The following ADGRL2 variants were observed in gnomAD, a reference collection of about 807,000 sequenced individuals.
ADGRL2 encodes the protein calcium-independent alpha-latrotoxin receptor 2.
A neutral mutation model predicts 157.4 loss-of-function variants in ADGRL2; 44 were observed. The ratio of observed to expected loss-of-function variants is 0.28; its 90% CI spans 0.22 to 0.36. The LOEUF is 0.36. Ranked by LOEUF, ADGRL2 falls within the 10% of genes least tolerant of loss-of-function variation. The pLI, the probability that ADGRL2 is intolerant of heterozygous loss-of-function variation, is 1.00. For synonymous variants in ADGRL2, 585 were observed against 624.7 expected (o/e 0.94, Z 0.95); for missense variants, 1,510 against 1,768.9 (o/e 0.85, Z 2.63).
chr1:81,577,223 G>A (rs753406590), intron 2 of ADGRL2, among the ~76,000 whole-genome samples: 14 of 152,132 alleles, frequency 9.2e-5, no homozygotes, highest in Non-Finnish European at 1.5e-4. Flanking sequence ...TGTTTTCATC[G>A]GTAGCATGCG....
intron 3 of ADGRL2, among the ~76,000 whole-genome samples, chr1:81,598,274 G>A (rs2081274419): frequency 6.6e-6 from 1 of 152,208 alleles, no homozygotes; most frequent in Non-Finnish European, 1.5e-5. Context: ...GCAAGACCAT[G>A]AAGGGACTTA....
rs186578431 is a variant in ADGRL2, at chr1:81,969,160, A to C, written c.2524-18A>C. On this transcript the variant is annotated intron_variant, in intron 14 of 23. Coordinates refer to ENST00000686636, the MANE Select transcript of ADGRL2 (RefSeq NM_001366006.2). ...TAATGCAGGAATACTAATGTTCCTC[A>C]TATCTTTTTATTTTCAGTATAAAGA... The C allele has an allele frequency of 1.5e-5, 23 of 1,567,640 alleles. No individual in the cohort carries two copies. In the African/African-American group the frequency reaches 2.7e-4, roughly 18 times the overall value.
chr1:81,842,793 C>T (rs1160765255), intron 2 of ADGRL2, among the ~76,000 whole-genome samples: 2 of 152,150 alleles, frequency 1.3e-5, no homozygotes, highest in Non-Finnish European at 2.9e-5. Context: ...CAATTTGTCT[C>T]TTTCACTCTA....
intron 2 of ADGRL2, among the ~76,000 whole-genome samples, chr1:81,851,257 C>G (rs1325338486): frequency 6.6e-6 from 1 of 151,934 alleles, no homozygotes; most frequent in East Asian, 1.9e-4. Flanking sequence ...ATAACCTACA[C>G]TGAAGTCAGC....
At chr1:81,394,952 G>A (rs934468022) in intron 1 of ADGRL2, among the ~76,000 whole-genome samples, 1 of 151,672 alleles carries the variant, frequency 6.6e-6, no homozygotes, top group Admixed American at 6.6e-5. Flanking sequence ...TGGCCAGAGT[G>A]CAGTGTCACG....
intron 1 of ADGRL2, among the ~76,000 whole-genome samples, chr1:81,812,762 G>A (rs185295959): frequency 6.6e-6 from 1 of 151,710 alleles, no homozygotes; most frequent in African/African-American, 2.4e-5. Context: ...ACAGAAAAAC[G>A]ATCGCTTTGG....
At chr1:81,708,747 A>G (rs979553058) in intron 1 of ADGRL2, among the ~76,000 whole-genome samples, 2 of 152,016 alleles carry the variant, frequency 1.3e-5, no homozygotes, top group South Asian at 4.2e-4. Context: ...TTCTATAGAA[A>G]TCTCTGTTAT....
At chr1:81,641,734 A>G (rs1233446458) in intron 3 of ADGRL2, among the ~76,000 whole-genome samples, 1 of 152,192 alleles carries the variant, frequency 6.6e-6, no homozygotes, top group East Asian at 1.9e-4. Flanking sequence ...AAAAGGAAAT[A>G]TCTAAAATAA....
At chr1:81,418,709 G>A (rs990603212) in intron 1 of ADGRL2, among the ~76,000 whole-genome samples, 1 of 152,128 alleles carries the variant, frequency 6.6e-6, no homozygotes, top group Non-Finnish European at 1.5e-5. Flanking sequence ...AGCTGAAATC[G>A]GGCCTCTGCA....
At chr1:81,472,871 TA>T (rs2078199956) in intron 2 of ADGRL2, among the ~76,000 whole-genome samples, 1 of 152,142 alleles carries the variant, frequency 6.6e-6, no homozygotes, top group Non-Finnish European at 1.5e-5. Flanking sequence ...ACATTTTACA[TA>T]AGATGATAAT....
intron 1 of ADGRL2, among the ~76,000 whole-genome samples, chr1:81,343,327 C>A (rs1419188804): frequency 6.6e-6 from 1 of 151,970 alleles, no homozygotes; most frequent in Non-Finnish European, 1.5e-5. Context: ...TGAACTCAAG[C>A]AATCCCCCTA....
intron 1 of ADGRL2, among the ~76,000 whole-genome samples, chr1:81,316,049 A>C (rs1660083857): frequency 6.6e-6 from 1 of 151,986 alleles, no homozygotes; most frequent in African/African-American, 2.4e-5. Flanking sequence ...CTTAAAGGGA[A>C]ATCTTCCTTT....
intron 18 of ADGRL2, chr1:81,980,708 G>T: frequency 1.8e-6 from 1 of 549,180 alleles, no homozygotes; most frequent in Non-Finnish European, 3.4e-6. Flanking sequence ...CAGCTTCATT[G>T]CATGTTGCAT....
intron 1 of ADGRL2, among the ~76,000 whole-genome samples, chr1:81,835,325 C>T (rs1157915796): frequency 1.3e-5 from 2 of 152,026 alleles, no homozygotes; most frequent in African/African-American, 2.4e-5. Flanking sequence ...ATCAGATCAT[C>T]GAACAGACTG....
intron 2 of ADGRL2, among the ~76,000 whole-genome samples, chr1:81,864,804 A>C (rs1375766245): frequency 6.6e-6 from 1 of 152,150 alleles, no homozygotes; most frequent in Non-Finnish European, 1.5e-5. Context: ...TCTACTAAAA[A>C]ACAAACAAAA....
intron 3 of ADGRL2, among the ~76,000 whole-genome samples, chr1:81,917,606 G>T (rs146831117): frequency 1.3e-5 from 2 of 152,238 alleles, no homozygotes; most frequent in African/African-American, 4.8e-5. Flanking sequence ...ACACGTCACG[G>T]TTCTCTCAAA....
intron 3 of ADGRL2, among the ~76,000 whole-genome samples, chr1:81,618,208 C>T (rs2081706454): frequency 6.6e-6 from 1 of 152,096 alleles, no homozygotes; most frequent in Admixed American, 6.5e-5. Flanking sequence ...TTGACATAGA[C>T]ATTTAGCTAT....
intron 3 of ADGRL2, among the ~76,000 whole-genome samples, chr1:81,686,949 C>T (rs1210835931): frequency 2.6e-5 from 4 of 151,992 alleles, no homozygotes; most frequent in African/African-American, 9.7e-5. Context: ...TTTCGAAGGT[C>T]CCTTATGGAG....
chr1:81,334,925 G>A (rs1175327097), intron 1 of ADGRL2, among the ~76,000 whole-genome samples: 2 of 152,128 alleles, frequency 1.3e-5, no homozygotes, highest in Admixed American at 6.5e-5. Flanking sequence ...AAGGTGTAAA[G>A]GTGTCTTTGG....
Sources: gnomAD v4.1 joint callset for allele counts (sites outside exome capture counted in the v4.1 genomes callset) on GRCh38, gnomAD v4.1.1 for gene constraint, MANE v1.5 for transcripts, NCBI Gene and HGNC (gene_info 2026-07-23, HGNC 2026-07-21) for gene names.